SKP2: variants seen among roughly 807,000 people sequenced by gnomAD.
SKP2 encodes S-phase kinase associated protein 2.
Under a neutral mutation model 51.8 loss-of-function variants are expected in SKP2, and 16 were observed. The observed-to-expected ratio is 0.31, with a 90% CI of 0.21 to 0.47. SKP2 has a LOEUF of 0.47. Ranked by LOEUF, SKP2 falls within the 20% of genes least tolerant of loss-of-function variation. The probability of loss-of-function intolerance (pLI) is 1.00; values close to 1 mark genes in which losing one functional copy is unlikely to be tolerated. For missense variants in SKP2, 377 were observed against 505.3 expected, an observed-to-expected ratio of 0.75 and a Z score of 2.43; for synonymous variants, 176 against 198.6, an observed-to-expected ratio of 0.89 and a Z score of 0.96.
chr5:36,165,605 A>G (rs1745258238), intron 3 of SKP2, among the ~76,000 whole-genome samples: 1 of 152,180 alleles, frequency 6.6e-6, no homozygotes, highest in African/African-American at 2.4e-5. Flanking sequence ...TCTTAAGGAT[A>G]TCTTATCTAC....
chr5:36,173,815 C>T (rs1745549695), intron 7 of SKP2, among the ~76,000 whole-genome samples: 1 of 152,132 alleles, frequency 6.6e-6, no homozygotes, highest in African/African-American at 2.4e-5. Flanking sequence ...ATAGCACACA[C>T]CATTTCATTA....
At chr5:36,172,460 A>G (rs2111990424) in intron 7 of SKP2, among the ~76,000 whole-genome samples, 1 of 152,312 alleles carries the variant, frequency 6.6e-6, no homozygotes, top group Non-Finnish European at 1.5e-5. Flanking sequence ...TGCAAAGATA[A>G]GTGATTACAA....
intron 2 of SKP2, among the ~76,000 whole-genome samples, chr5:36,156,921 C>T (rs1744968381): frequency 6.6e-6 from 1 of 151,926 alleles, no homozygotes; most frequent in South Asian, 2.1e-4. Flanking sequence ...GCATTTTTTC[C>T]AACTTTTTTT....
chr5:36,155,869 G>A (rs1021350940), intron 2 of SKP2, among the ~76,000 whole-genome samples: 3 of 152,210 alleles, frequency 2.0e-5, no homozygotes, highest in Non-Finnish European at 2.9e-5. Flanking sequence ...AGAAGTTTCC[G>A]GAGTCTTTGC....
intron 9 of SKP2, among the ~76,000 whole-genome samples, chr5:36,178,732 T>C (rs778958270): frequency 3.3e-5 from 5 of 152,086 alleles, no homozygotes; most frequent in African/African-American, 4.8e-5. Context: ...ATCATTCTTT[T>C]TGGGTTGCTT....
chr5:36,178,641 T>C (rs1488704239), intron 9 of SKP2, among the ~76,000 whole-genome samples: 1 of 152,098 alleles, frequency 6.6e-6, no homozygotes, highest in Non-Finnish European at 1.5e-5. Context: ...CCAAAAAGGC[T>C]TCTTTGTCAT....
At chr5:36,158,641 T>C (rs149698972) in intron 2 of SKP2, among the ~76,000 whole-genome samples, 1 of 152,344 alleles carries the variant, frequency 6.6e-6, no homozygotes, top group East Asian at 1.9e-4. Context: ...TCTGTTTCCA[T>C]AGCAAGTCCG....
downstream of SKP2, among the ~76,000 whole-genome samples, chr5:36,187,502 A>G (rs1393661334): frequency 6.6e-6 from 1 of 152,216 alleles, no homozygotes; most frequent in Non-Finnish European, 1.5e-5. Context: ...CCCAGTAGTC[A>G]TTCAGGAGCA....
At position 36,190,491 on chromosome 5, in the gene SKP2, A is replaced by C. The variant is rs16902793; in HGVS notation, c.633-2130A>C. 0.012 allele frequency among the ~76,000 whole-genome samples: 1,848 copies of C among 152,178 alleles called. 158 individuals carry two copies. The East Asian group carries it at 0.21, about 18-fold the overall frequency. On this transcript the variant is annotated intron_variant, in intron 6 of 7. Coordinates refer to the SKP2 transcript ENST00000677886. ...TTTTAAAAATATATTTGATCAGGTT[A>C]TACTATGTGTTTTATTGTCATTCAG...
intron 5 of SKP2, among the ~76,000 whole-genome samples, chr5:36,169,398 C>T (rs769140656): frequency 1.1e-4 from 16 of 151,644 alleles, no homozygotes; most frequent in Non-Finnish European, 1.8e-4. Context: ...TGAGCTGAGA[C>T]CACAACATTG....
chr5:36,177,530 C>T, intron 9 of SKP2: 3 of 560,624 alleles, frequency 5.4e-6, no homozygotes, highest in Non-Finnish European at 1.0e-5. Context: ...TACTAGCTTG[C>T]TGTCTTAGTA....
At chr5:36,153,848 A>C (rs1378762117) in intron 2 of SKP2, among the ~76,000 whole-genome samples, 7 of 152,182 alleles carry the variant, frequency 4.6e-5, no homozygotes, top group African/African-American at 1.7e-4. Flanking sequence ...TGCCTCCCAG[A>C]GTGAACCAGA....
rs889374644 is a variant in SKP2, at chr5:36,152,169, C to T, written c.-94C>T. On this transcript the variant is annotated 5_prime_UTR_variant, in exon 1 of 10. In the 5' UTR this introduces an upstream ATG that the reference lacks. Transcript: ENST00000274255. ...CTGGCTGCTGGGGGCCCGAGCAGCA[C>T]GCTCGGAGCCGCCGCGCGCCAAAGC... 4 of 1,359,142 alleles carry T rather than the reference C, an allele frequency of 2.9e-6. No homozygotes were observed. The highest frequency in any genetic ancestry group is 3.2e-6 in the Non-Finnish European group (3 of 950,184). 84.2% of individuals were successfully genotyped at this position (1,359,142 alleles called of 1,614,324 possible).
At chr5:36,190,296 G>A (rs940434942) in intron 6 of SKP2, among the ~76,000 whole-genome samples, 4 of 152,084 alleles carry the variant, frequency 2.6e-5, no homozygotes, top group South Asian at 2.1e-4. Flanking sequence ...GAAATCACCC[G>A]TATTCTGCGT....
At chr5:36,154,599 C>T (rs1744881305) in intron 2 of SKP2, among the ~76,000 whole-genome samples, 1 of 152,158 alleles carries the variant, frequency 6.6e-6, no homozygotes, top group South Asian at 2.1e-4. Flanking sequence ...CAGTGACCTG[C>T]TCTTGGCTCA....
At chr5:36,174,127 G>A (rs144440656) in intron 7 of SKP2, among the ~76,000 whole-genome samples, 1 of 152,222 alleles carries the variant, frequency 6.6e-6, no homozygotes, top group Non-Finnish European at 1.5e-5. Context: ...ACCTTTCCAT[G>A]GAGCAATGGA....
Position 36,184,102 on chromosome 5 carries a change from A to G in SKP2, c.*2071A>G. The G allele has an allele frequency of 1.4e-6, 1 of 718,694 alleles. No homozygotes were observed. The highest frequency in any genetic ancestry group is 2.3e-6 in the Non-Finnish European group (1 of 439,298). The allele number at this position is 718,694 out of a possible 1,614,324, so 44.5% of individuals were successfully genotyped here. A position where few individuals can be genotyped will look rare whatever the true frequency, so the allele number is the denominator to read the frequency against. ...AGTGCTGTGGTTAAAATTTGAAAGC[A>G]TTTAGTGTGGTATGCCATTTGGCTT... On this transcript the variant is annotated 3_prime_UTR_variant, in exon 10 of 10. Coordinates refer to ENST00000274255, the MANE Select transcript of SKP2 (RefSeq NM_005983.4).
At position 36,163,661 on chromosome 5, in the gene SKP2, C is replaced by T; in HGVS notation, c.297C>T (p.Ser99=). Residue 99 remains serine, a synonymous_variant, in exon 3 of 10, where the codon TCC becomes TCT. Coordinates refer to ENST00000274255, the MANE Select transcript of SKP2 (RefSeq NM_005983.4). The part of the protein sequence containing the change: ...RENFPGVSWD[S]LPDELLLGIF... Reference sequence around the variant, plus strand: ...CCTCCAAAGGTGTTTCATGGGACTCCCTTCCGGATGAGCTGCTCTTGGGAA... The same window carrying T: ...CCTCCAAAGGTGTTTCATGGGACTCTCTTCCGGATGAGCTGCTCTTGGGAA... 3 of 1,613,066 alleles carry T rather than the reference C, an allele frequency of 1.9e-6. No individual in the cohort carries two copies. The highest frequency in any genetic ancestry group is 2.5e-6 in the Non-Finnish European group (3 of 1,179,048).
intron 6 of SKP2, among the ~76,000 whole-genome samples, chr5:36,192,309 CCCA>C (rs1367037144): frequency 2.0e-5 from 3 of 152,236 alleles, no homozygotes; most frequent in Non-Finnish European, 2.9e-5. Context: ...TCTTATCTCC[CCCA>C]CCATTATATT....
Sources: allele counts gnomAD v4.1 joint callset (sites outside exome capture counted in the v4.1 genomes callset), GRCh38; gene constraint gnomAD v4.1.1; transcripts MANE v1.5; gene names NCBI Gene and HGNC (gene_info 2026-07-23, HGNC 2026-07-21).